WDR89: variants seen among roughly 807,000 people sequenced by gnomAD.
WDR89 encodes WD repeat-containing protein 89.
WDR89 carries 17 observed loss-of-function variants against 29.1 expected under a neutral mutation model. The ratio of observed to expected loss-of-function variants is 0.58; its 90% CI spans 0.40 to 0.88. The LOEUF (loss-of-function observed/expected upper bound fraction) is 0.88. Among genes scored for constraint, WDR89 ranks in the 40% least tolerant of loss-of-function variants. WDR89 has a pLI of 0.00. For synonymous variants in WDR89, 138 were observed against 157.8 expected (o/e 0.87, Z 0.94); for missense variants, 396 against 456.3 (o/e 0.87, Z 1.20).
Position 63,628,171 on chromosome 14 carries a change from G to C in WDR89, c.-137-3138C>G, listed in dbSNP as rs1268269983. ...GAGGATTGCTTAAGCCTGGGAGGTC[G>C]AGGCTATGCGATCAATCAGGTGAAC... On this transcript the variant is annotated intron_variant, in intron 1 of 2. Transcript: ENST00000620954. Among the ~76,000 whole-genome samples the C allele has an allele frequency of 2.0e-5, 3 of 152,272 alleles. No individual in the cohort carries two copies. The East Asian group carries it at 5.8e-4, about 29-fold the overall frequency.
At chr14:63,607,256 G>A (rs949905871) in intron 2 of WDR89, among the ~76,000 whole-genome samples, 6 of 151,950 alleles carry the variant, frequency 3.9e-5, no homozygotes, top group East Asian at 1.9e-4. Context: ...TCTGCCTCCC[G>A]GGTTCACGCC....
chr14:63,628,955 AC>A (rs1883235679), intron 1 of WDR89, among the ~76,000 whole-genome samples: 1 of 152,078 alleles, frequency 6.6e-6, no homozygotes, highest in South Asian at 2.1e-4. Context: ...AAAACAAAAA[AC>A]AAAAAACGAT....
intron 2 of WDR89, among the ~76,000 whole-genome samples, chr14:63,620,609 G>A (rs552277846): frequency 1.3e-5 from 2 of 152,224 alleles, no homozygotes; most frequent in Admixed American, 1.3e-4. Flanking sequence ...GAGGGGGCAG[G>A]CACAGTGGCT....
Position 63,597,678 on chromosome 14 carries a change from A to T in WDR89, c.*1101T>A, listed in dbSNP as rs1894856756. On this transcript the variant is annotated 3_prime_UTR_variant, in exon 3 of 3. Transcript: ENST00000620954. ...AAACTAATTTTTTTATTCACTAGAT[A>T]GCACTGTCTTATATTTTAAAGATTC... 6.6e-6 allele frequency: 1 copy of T among 152,194 alleles called. No homozygotes were observed. 9.4% of individuals were successfully genotyped at this position (152,194 alleles called of 1,614,324 possible).
intron 2 of WDR89, chr14:63,601,472 C>A: frequency 8.3e-7 from 1 of 1,198,374 alleles, no homozygotes; most frequent in Non-Finnish European, 1.2e-6. Context: ...AAATTCTTGA[C>A]ACTAGAGCAG....
intron 1 of WDR89, among the ~76,000 whole-genome samples, chr14:63,637,387 A>T (rs1260644906): frequency 6.6e-6 from 1 of 151,894 alleles, no homozygotes; most frequent in Non-Finnish European, 1.5e-5. Context: ...CAGAACTAAC[A>T]TTTGATCCAG....
At chr14:63,640,816 G>A (rs1473898602) in intron 1 of WDR89, among the ~76,000 whole-genome samples, 11 of 148,540 alleles carry the variant, frequency 7.4e-5, no homozygotes, top group African/African-American at 2.4e-4. Flanking sequence ...TAAAGAAAAC[G>A]GCCGGGCACG....
chr14:63,604,912 G>A (rs1260444574), intron 2 of WDR89, among the ~76,000 whole-genome samples: 2 of 152,038 alleles, frequency 1.3e-5, no homozygotes, highest in African/African-American at 2.4e-5. Context: ...GGCCAAGCCG[G>A]GCAGCCAGGC....
intron 1 of WDR89, among the ~76,000 whole-genome samples, chr14:63,625,491 A>C (rs1427495569): frequency 6.6e-6 from 1 of 151,178 alleles, no homozygotes; most frequent in African/African-American, 2.5e-5. Context: ...ATGGAATGTA[A>C]ATTACACTTT....
intron 2 of WDR89, among the ~76,000 whole-genome samples, chr14:63,607,356 G>T (rs1037675079): frequency 6.6e-6 from 1 of 151,894 alleles, no homozygotes; most frequent in Non-Finnish European, 1.5e-5. Context: ...GTAGAGACGG[G>T]GTTTCACCAT....
At chr14:63,628,128 TTG>T (rs953035488) in intron 1 of WDR89, among the ~76,000 whole-genome samples, 1 of 152,096 alleles carries the variant, frequency 6.6e-6, no homozygotes, top group Non-Finnish European at 1.5e-5. Context: ...TCTCAGCTAC[TTG>T]GGGGAGCTGA....
intron 2 of WDR89, among the ~76,000 whole-genome samples, chr14:63,611,415 G>A (rs985715276): frequency 6.6e-6 from 1 of 150,708 alleles, no homozygotes; most frequent in Admixed American, 6.6e-5. Flanking sequence ...GATTGGGGGA[G>A]ATCATGATGA....
chr14:63,604,223 G>C (rs889212999), intron 2 of WDR89, among the ~76,000 whole-genome samples: 3 of 152,154 alleles, frequency 2.0e-5, no homozygotes, highest in South Asian at 2.1e-4. Flanking sequence ...CCAGGGGTTC[G>C]AGACCAGCCT....
chr14:63,625,045 C>T lies in WDR89; in HGVS notation c.-137-12G>A, dbSNP rs796452338. The stretch of plus-strand genomic sequence containing the variant: ...TAATAGCCAAATACCTAGAAAAAAA[C>T]AGAAATACGGGTAAGCTTAAGCACA... On this transcript the variant is annotated splice_polypyrimidine_tract_variant and intron_variant, in intron 1 of 2. Coordinates refer to ENST00000620954, the MANE Select transcript of WDR89 (RefSeq NM_080666.4). 9.9e-5 allele frequency: 15 copies of T among 151,826 alleles called. No individual in the cohort carries two copies. Among genetic ancestry groups the T allele is most frequent in the African/African-American group, 3.6e-4 (15 of 41,394 alleles). 9.4% of individuals were successfully genotyped at this position (151,826 alleles called of 1,614,324 possible).
chr14:63,599,103 G>T lies in WDR89; in HGVS notation c.840C>A (p.Gly280=). 1.9e-6 allele frequency: 3 copies of T among 1,613,974 alleles called. No homozygotes were observed. The highest frequency in any genetic ancestry group is 2.5e-6 in the Non-Finnish European group (3 of 1,180,012). ...ATGTGTCTGTCTTTTCATGATATAGGCCACCAATCAAATAGTCCAAAGCAT... is the reference window on the plus strand; with the variant it reads ...ATGTGTCTGTCTTTTCATGATATAGTCCACCAATCAAATAGTCCAAAGCAT... ...KEDALDYLIG[G]LYHEKTDTLH... The change falls in exon 3 of 3, where the codon GGC becomes GGA. Residue 280 remains glycine (G), a synonymous_variant. Transcript: ENST00000620954.
At chr14:63,622,289 T>C (rs1882746134) in intron 2 of WDR89, among the ~76,000 whole-genome samples, 1 of 150,738 alleles carries the variant, frequency 6.6e-6, no homozygotes, top group South Asian at 2.1e-4. Context: ...ACAAAAAAAG[T>C]AGCCAGGCAG....
At chr14:63,639,926 G>A (rs1883994435) in intron 1 of WDR89, among the ~76,000 whole-genome samples, 2 of 152,150 alleles carry the variant, frequency 1.3e-5, no homozygotes, top group South Asian at 4.1e-4. Context: ...AGGCTGCAGT[G>A]AGCTAAGACT....
chr14:63,625,182 G>A (rs1882951147), intron 1 of WDR89, 149 bp from the exon 2 acceptor site: 1 of 151,890 alleles, frequency 6.6e-6, no homozygotes, highest in Non-Finnish European at 1.5e-5. Context: ...CAAGAAAAAA[G>A]GAACTAGAGA....
intron 2 of WDR89, chr14:63,601,712 T>C (rs761717645): frequency 4.9e-5 from 78 of 1,581,726 alleles, no homozygotes; most frequent in Non-Finnish European, 5.6e-5. Flanking sequence ...AAGTTGGAGA[T>C]AAAGTTCTTC....
Sources: allele counts gnomAD v4.1 joint callset (sites outside exome capture counted in the v4.1 genomes callset), GRCh38; gene constraint gnomAD v4.1.1; transcripts MANE v1.5; gene names NCBI Gene and HGNC (gene_info 2026-07-23, HGNC 2026-07-21).